DICER1: variants seen among roughly 807,000 people sequenced by gnomAD.
DICER1 encodes dicer 1, ribonuclease III, also known as endoribonuclease Dicer.
DICER1 carries 43 observed loss-of-function variants against 194.1 expected under a neutral mutation model. The ratio of observed to expected loss-of-function variants is 0.22; its 90% CI spans 0.17 to 0.29. The LOEUF (loss-of-function observed/expected upper bound fraction) is 0.29. DICER1 is among the 10% of genes least tolerant of loss of function. DICER1 has a pLI of 1.00. For synonymous variants in DICER1, 832 were observed against 820.5 expected (o/e 1.01, Z -0.24); for missense variants, 1,608 against 2,317.0 (o/e 0.69, Z 6.28).
chr14:95,156,330 G>A (rs907594244), intron 1 of DICER1, among the ~76,000 whole-genome samples: 1 of 152,170 alleles, frequency 6.6e-6, no homozygotes, highest in African/African-American at 2.4e-5. Context: ...AAACCTGAAA[G>A]TCCTAAGAAC....
At chr14:95,115,603 A>G (rs1389707054) in intron 11 of DICER1, 64 bp downstream of exon 11, 1 of 1,559,064 alleles carries the variant, frequency 6.4e-7, no homozygotes, top group East Asian at 2.2e-5. Flanking sequence ...TACAAAATGT[A>G]CAGGTTTAGA....
chr14:95,090,104 C>A lies in DICER1; in HGVS notation c.*394G>T, dbSNP rs1473416079. ...CGGAGAGATGGAGAAGAATCTACAT[C>A]ATCCTAGGGACTGCTGGAGGTTTAA... On this transcript the variant is annotated 3_prime_UTR_variant, in exon 27 of 27. Coordinates refer to ENST00000343455, the MANE Select transcript of DICER1 (RefSeq NM_177438.3). 2.4e-5 allele frequency: 9 copies of A among 370,524 alleles called. No individual in the cohort carries two copies. The highest frequency in any genetic ancestry group is 3.5e-5 in the Non-Finnish European group (7 of 199,786). The allele number at this position is 370,524 out of a possible 1,614,324, so 23.0% of individuals were successfully genotyped here.
chr14:95,146,930 G>A (rs1895174938), intron 1 of DICER1, among the ~76,000 whole-genome samples: 1 of 152,166 alleles, frequency 6.6e-6, no homozygotes, highest in South Asian at 2.1e-4. Context: ...GGCTAAGAAG[G>A]AAAAGGAAGT....
chr14:95,130,019 G>C, intron 5 of DICER1, 39 bp downstream of exon 5: 1 of 1,599,418 alleles, frequency 6.3e-7, no homozygotes, highest in Non-Finnish European at 8.6e-7. Context: ...TTACTCAATA[G>C]TTTACCAAGA....
In DICER1 at chr14:95,116,585, G is replaced by T. The variant is rs2140124725; in HGVS notation, c.1620C>A (p.Pro540=). 1.2e-6 allele frequency: 2 copies of T among 1,613,860 alleles called. No individual in the cohort carries two copies. The highest frequency in any genetic ancestry group is 2.2e-5 in the South Asian group (2 of 91,048). Residue 540 remains proline, a synonymous_variant, in exon 10 of 27, where the codon CCC becomes CCA. Coordinates refer to ENST00000343455, the MANE Select transcript of DICER1 (RefSeq NM_177438.3). The part of the protein sequence containing the change: ...KCNLVVRFDL[P]TEYRSYVQSK... Reference sequence around the variant, plus strand: ...ATTGAACATAGGATCGATATTCTGTGGGCAAATCAAAACGAACCACCAAGT... The same window carrying T: ...ATTGAACATAGGATCGATATTCTGTTGGCAAATCAAAACGAACCACCAAGT...
rs781473299 is a variant in DICER1, at chr14:95,087,084, G to A, written c.*3414C>T. On this transcript the variant is annotated 3_prime_UTR_variant, in exon 27 of 27. Transcript: ENST00000343455. ...CAACGGGGCCTTGTGCATGAACTGC[G>A]CTCGATCTGGATTCCAGTGATCCTC... The A allele has an allele frequency of 2.3e-4, 54 of 233,074 alleles. No individual in the cohort carries two copies. The Middle Eastern group carries it at 5.1e-3, about 22-fold the overall frequency. 14.4% of individuals were successfully genotyped at this position (233,074 alleles called of 1,614,324 possible). A position where few individuals can be genotyped will look rare whatever the true frequency, so the allele number is the denominator to read the frequency against.
At chr14:95,115,626 A>G in intron 11 of DICER1, 41 bp downstream of exon 11, 1 of 1,611,432 alleles carries the variant, frequency 6.2e-7, no homozygotes, top group Non-Finnish European at 8.5e-7. Context: ...TAAACTGTGC[A>G]ACATTCCCAG....
chr14:95,138,986 T>TAAAAAA (rs1289692370), intron 1 of DICER1, among the ~76,000 whole-genome samples: 1 of 31,704 alleles, frequency 3.2e-5, no homozygotes, highest in African/African-American at 1.6e-4. Context: ...TAAAAATAAA[T>TAAAAAA]AAAAAAATAA....
Position 95,132,550 on chromosome 14 carries a change from C to T in DICER1, c.272G>A (p.Arg91Lys), listed in dbSNP as rs878855252. The change falls in exon 3 of 27, where the codon AGA (arginine) becomes AAA (lysine). Residue 91 changes from arginine to lysine, a missense_variant. Physicochemically the swap from Arg to Lys is conservative, Grantham distance 26. Coordinates refer to ENST00000343455, the MANE Select transcript of DICER1 (RefSeq NM_177438.3). ...CAAGAACACCGTCCTTTTTCCATTT[C>T]TGCTGAAGTCTCCCCTGATCTGATA... ...LSYQIRGDFS[R>K]NGKRTVFLVN... 1.2e-6 allele frequency: 2 copies of T among 1,613,960 alleles called. No homozygotes were observed. The highest frequency in any genetic ancestry group is 8.5e-7 in the Non-Finnish European group (1 of 1,179,948).
Position 95,094,044 on chromosome 14 carries a change from C to T in DICER1, c.5208G>A (p.Arg1736=), listed in dbSNP as rs1060504969. 11 of 1,614,084 alleles carry T rather than the reference C, an allele frequency of 6.8e-6. No individual in the cohort carries two copies. The East Asian group carries it at 2.5e-4, about 36-fold the overall frequency. Residue 1736 remains arginine (R), a synonymous_variant, in exon 24 of 27, where the codon CGG becomes CGA. Transcript: ENST00000343455. ...AGATGGTGTTGTTGACCAGGGCAGA[C>T]CGCAGGTCTGTCAGGACCCCCGGGG... is the stretch of plus-strand genomic sequence containing the variant. The part of the protein sequence containing the change: ...QHSPGVLTDL[R]SALVNNTIFA...
At chr14:95,109,331 T>A (rs142432813) in intron 14 of DICER1, among the ~76,000 whole-genome samples, 1 of 152,354 alleles carries the variant, frequency 6.6e-6, no homozygotes, top group Admixed American at 6.5e-5. Flanking sequence ...AAAGAGACAG[T>A]TATATTTAAT....
chr14:95,116,827 C>T (rs1892518988), intron 9 of DICER1, 132 bp from the exon 10 acceptor site: 2 of 917,492 alleles, frequency 2.2e-6, no homozygotes, highest in African/African-American at 1.7e-5. Flanking sequence ...TCCTTAAGGC[C>T]AGGCTAAAGA....
rs71838494 is a variant in DICER1, at chr14:95,099,731, T to TAC, written c.4206+47_4206+48dup. ...TCACCGAAAAGTAAATCCCTCCAGT[T>TAC]ACACACACACACACACACACACACA... On this transcript the variant is annotated intron_variant, in intron 22 of 26. Coordinates refer to ENST00000343455, the MANE Select transcript of DICER1 (RefSeq NM_177438.3). 11,943 of 1,068,390 alleles carry TAC rather than the reference T, an allele frequency of 0.011. 9 individuals carry two copies. Among genetic ancestry groups the TAC allele is most frequent in the Non-Finnish European group, 0.011 (9,837 of 871,860 alleles). 66.2% of individuals were successfully genotyped at this position (1,068,390 alleles called of 1,614,324 possible).
intron 22 of DICER1, among the ~76,000 whole-genome samples, chr14:95,099,161 C>G (rs1201387109): frequency 6.6e-6 from 1 of 152,188 alleles, no homozygotes; most frequent in Admixed American, 6.5e-5. Flanking sequence ...CTGGTTCCTG[C>G]AGTTTGGAGG....
intron 1 of DICER1, among the ~76,000 whole-genome samples, chr14:95,137,010 C>T (rs189354452): frequency 2.2e-4 from 34 of 151,470 alleles, no homozygotes; most frequent in South Asian, 8.3e-4. Flanking sequence ...ACTATTATCA[C>T]TTCCTGTAAA....
chr14:95,148,238 T>C (rs1222768573), intron 1 of DICER1, among the ~76,000 whole-genome samples: 2 of 152,150 alleles, frequency 1.3e-5, no homozygotes, highest in Admixed American at 1.3e-4. Context: ...TACCTGGGCA[T>C]GATTAACCTT....
In DICER1 at chr14:95,088,974, T is replaced by C. The variant is rs1566741968; in HGVS notation, c.*1524A>G. ...GGGGCAAATTGCAGCAAACCTCTAC[T>C]GGTATGTTGATGGGAGTGCAAGACT... On this transcript the variant is annotated 3_prime_UTR_variant, in exon 27 of 27. Coordinates refer to ENST00000343455, the MANE Select transcript of DICER1 (RefSeq NM_177438.3). The C allele has an allele frequency of 4.3e-6, 1 of 233,020 alleles. No individual in the cohort carries two copies. The highest frequency in any genetic ancestry group is 5.6e-5 in the Admixed American group (1 of 17,714). 14.4% of individuals were successfully genotyped at this position (233,020 alleles called of 1,614,324 possible).
chr14:95,143,345 G>A (rs1210350488), intron 1 of DICER1, among the ~76,000 whole-genome samples: 1 of 152,152 alleles, frequency 6.6e-6, no homozygotes, highest in African/African-American at 2.4e-5. Flanking sequence ...TCTCCCTGCT[G>A]AAAATAAAAG....
intron 21 of DICER1, among the ~76,000 whole-genome samples, chr14:95,101,564 G>A (rs1890880046): frequency 6.6e-6 from 1 of 152,030 alleles, no homozygotes; most frequent in Admixed American, 6.6e-5. Context: ...TATTCCATGA[G>A]GTCTAAAATC....
Sources: gnomAD v4.1 joint callset for allele counts (sites outside exome capture counted in the v4.1 genomes callset) on GRCh38, gnomAD v4.1.1 for gene constraint, MANE v1.5 for transcripts, NCBI Gene and HGNC (gene_info 2026-07-23, HGNC 2026-07-21) for gene names.